The following AKAP7 variants were observed in gnomAD, a reference collection of about 807,000 sequenced individuals.
AKAP7 encodes A-kinase anchoring protein 7, also known as A kinase (PRKA) anchor protein 7.
A neutral mutation model predicts 39.5 loss-of-function variants in AKAP7; 39 were observed. That is an observed-to-expected ratio of 0.99 (90% CI 0.76 to 1.29). The LOEUF (loss-of-function observed/expected upper bound fraction) is 1.29, where lower values mean the gene tolerates loss of function less well. AKAP7 is among the 50% of genes most tolerant of loss of function. AKAP7 has a pLI of 0.00. For synonymous variants in AKAP7, 140 were observed against 139.1 expected (o/e 1.01, Z -0.05); for missense variants, 414 against 407.7 (o/e 1.02, Z -0.13).
rs538416202 is a variant in AKAP7, at chr6:131,269,722, A to G, written c.851-11808A>G. On this transcript the variant is annotated intron_variant, in intron 7 of 7. Transcript: ENST00000431975. Reference sequence around the variant, plus strand: ...CTCTGAGCAGATTGGGGCAGATGATACCTGTCTGATACACTGAAGGGGAGA... The same window carrying G: ...CTCTGAGCAGATTGGGGCAGATGATGCCTGTCTGATACACTGAAGGGGAGA... Among the ~76,000 whole-genome samples, 7 of 152,282 alleles carry G rather than the reference A, an allele frequency of 4.6e-5. No homozygotes were observed. In the East Asian group the frequency reaches 1.3e-3, roughly 29 times the overall value.
At chr6:131,131,467 C>CTTTT (rs3031855), upstream of AKAP7, among the ~76,000 whole-genome samples, 2 of 138,328 alleles carry the variant, frequency 1.4e-5, no homozygotes, top group Non-Finnish European at 3.1e-5. Flanking sequence ...CTCTTTCTTT[C>CTTTT]TTTTTTTTTT....
intron 6 of AKAP7, among the ~76,000 whole-genome samples, chr6:131,208,208 T>C (rs549626564): frequency 6.6e-6 from 1 of 152,246 alleles, no homozygotes; most frequent in Non-Finnish European, 1.5e-5. Context: ...GTTTCTAATG[T>C]ATTTTTCAAC....
chr6:131,194,981 T>A (rs1330402618), intron 5 of AKAP7, among the ~76,000 whole-genome samples: 3 of 152,186 alleles, frequency 2.0e-5, no homozygotes. Flanking sequence ...TCTTGTCTTT[T>A]TAAATCCATT....
In AKAP7 at chr6:131,282,345, TAAGTC is replaced by T. The variant is rs1815267634; in HGVS notation, c.*621_*625del. ...AAGTTTTTTTAAAATCCTATTTTGA[TAAGTC>T]AGTATGCCATATTTAATGAAATGTT... On this transcript the variant is annotated 3_prime_UTR_variant, in exon 8 of 8. Transcript: ENST00000431975. 7.3e-7 allele frequency: 1 copy of T among 1,375,816 alleles called. No homozygotes were observed. Among genetic ancestry groups the T allele is most frequent in the Non-Finnish European group, 9.4e-7 (1 of 1,064,432 alleles). The allele number at this position is 1,375,816 out of a possible 1,614,324, so 85.2% of individuals were successfully genotyped here. A position where few individuals can be genotyped will look rare whatever the true frequency, so the allele number is the denominator to read the frequency against.
In AKAP7 at chr6:131,135,791, G is replaced by T. The variant is rs985728608; in HGVS notation, c.19+9G>T. Reference sequence around the variant, plus strand: ...GGAGCGCCCCGAAGCGGGTGAGACCGGGCTGTCCAGCGGGCCGGGGCGGGG... The same window carrying T: ...GGAGCGCCCCGAAGCGGGTGAGACCTGGCTGTCCAGCGGGCCGGGGCGGGG... On this transcript the variant is annotated intron_variant, in intron 1 of 7. Coordinates refer to ENST00000431975, the MANE Select transcript of AKAP7 (RefSeq NM_016377.4). 8 of 1,228,024 alleles carry T rather than the reference G, an allele frequency of 6.5e-6. No individual in the cohort carries two copies. In the East Asian group the frequency reaches 1.6e-4, roughly 24 times the overall value. 76.1% of individuals were successfully genotyped at this position (1,228,024 alleles called of 1,614,324 possible). A position where few individuals can be genotyped will look rare whatever the true frequency, so the allele number is the denominator to read the frequency against.
chr6:131,237,367 CT>C (rs1340021775), intron 7 of AKAP7, among the ~76,000 whole-genome samples: 2 of 152,032 alleles, frequency 1.3e-5, no homozygotes, highest in Non-Finnish European at 2.9e-5. Context: ...CTAAAATTCT[CT>C]TTTTTTGTTG....
intron 1 of AKAP7, chr6:131,136,877 A>G: frequency 2.0e-6 from 2 of 985,324 alleles, no homozygotes; most frequent in Non-Finnish European, 2.4e-6. Flanking sequence ...TAGCTAAGCC[A>G]GGACTAGAAT....
At chr6:131,188,513 T>G (rs1201509679) in intron 5 of AKAP7, among the ~76,000 whole-genome samples, 1 of 152,136 alleles carries the variant, frequency 6.6e-6, no homozygotes, top group Non-Finnish European at 1.5e-5. Flanking sequence ...TTGCTATTGT[T>G]TAATTACACA....
At chr6:131,147,746 G>A (rs1584944996) in intron 2 of AKAP7, among the ~76,000 whole-genome samples, 1 of 152,154 alleles carries the variant, frequency 6.6e-6, no homozygotes. Flanking sequence ...ACTCACCCGC[G>A]TTCTCCCTGT....
At chr6:131,133,803 T>C (rs955063597), upstream of AKAP7, among the ~76,000 whole-genome samples, 2 of 152,192 alleles carry the variant, frequency 1.3e-5, no homozygotes, top group Non-Finnish European at 1.5e-5. Context: ...CAGTTAGAAC[T>C]GGGGGCTTCT....
chr6:131,277,051 C>A (rs1452768517), intron 7 of AKAP7, among the ~76,000 whole-genome samples: 1 of 152,120 alleles, frequency 6.6e-6, no homozygotes, highest in African/African-American at 2.4e-5. Flanking sequence ...AATTTTATCC[C>A]TGCAATGATT....
intron 5 of AKAP7, 36 bp from the exon 6 acceptor site, chr6:131,199,425 T>C (rs760207313): frequency 1.5e-6 from 2 of 1,349,216 alleles, no homozygotes; most frequent in South Asian, 1.2e-5. Context: ...GAAAATACTG[T>C]AGTAGCATTT....
At chr6:131,153,776 G>T (rs1305786792) in intron 2 of AKAP7, among the ~76,000 whole-genome samples, 3 of 152,046 alleles carry the variant, frequency 2.0e-5, no homozygotes, top group African/African-American at 4.8e-5. Flanking sequence ...TCACAGTAAA[G>T]AATGTACTAT....
At chr6:131,130,180 G>C in the AKAP7 span, among the ~76,000 whole-genome samples, 3 of 152,214 alleles carry the variant, frequency 2.0e-5, no homozygotes, top group Admixed American at 6.5e-5. Context: ...AAATGGGGCA[G>C]TGTCTGTAAA....
intron 5 of AKAP7, among the ~76,000 whole-genome samples, chr6:131,191,515 GTTAGT>G (rs1386096434): frequency 6.6e-6 from 1 of 152,034 alleles, no homozygotes; most frequent in East Asian, 1.9e-4. Flanking sequence ...AATCTCTTGT[GTTAGT>G]TACATTCTTT....
intron 1 of AKAP7, among the ~76,000 whole-genome samples, chr6:131,140,163 A>C (rs1800907732): frequency 6.6e-6 from 1 of 152,206 alleles, no homozygotes; most frequent in Admixed American, 6.5e-5. Flanking sequence ...CCACTCTTGC[A>C]CATCGGAATT....
At chr6:131,217,365 C>A (rs1809280915) in intron 6 of AKAP7, among the ~76,000 whole-genome samples, 1 of 152,046 alleles carries the variant, frequency 6.6e-6, no homozygotes, top group Admixed American at 6.5e-5. Context: ...GAGATCAATT[C>A]AGATAAATTT....
chr6:131,261,802 G>C (rs1813366094), intron 7 of AKAP7, among the ~76,000 whole-genome samples: 1 of 152,164 alleles, frequency 6.6e-6, no homozygotes, highest in African/African-American at 2.4e-5. Flanking sequence ...AAATGAAGAA[G>C]TAGTTTGTAT....
At chr6:131,222,517 A>G (rs1809797497) in intron 7 of AKAP7, among the ~76,000 whole-genome samples, 1 of 152,060 alleles carries the variant, frequency 6.6e-6, no homozygotes, top group South Asian at 2.1e-4. Context: ...ACAAAGTGAC[A>G]CTCATCTCAA....
Sources: gnomAD v4.1 joint callset for allele counts (sites outside exome capture counted in the v4.1 genomes callset) on GRCh38, gnomAD v4.1.1 for gene constraint, MANE v1.5 for transcripts, NCBI Gene and HGNC (gene_info 2026-07-23, HGNC 2026-07-21) for gene names.